BACH2: variants seen among roughly 807,000 people sequenced by gnomAD.
The protein encoded by BACH2 is BACH transcriptional regulator 2.
Under a neutral mutation model 61.8 loss-of-function variants are expected in BACH2, and 5 were observed. The observed-to-expected ratio is 0.08, with a 90% confidence interval of 0.04 to 0.17. The LOEUF (loss-of-function observed/expected upper bound fraction) is 0.17, where lower values mean the gene tolerates loss of function less well. Among genes scored for constraint, BACH2 ranks in the 10% least tolerant of loss-of-function variants. The probability of loss-of-function intolerance (pLI) is 1.00; values close to 1 mark genes in which losing one functional copy is unlikely to be tolerated. For missense variants in BACH2, 824 were observed against 1,091.1 expected (o/e 0.76, Z 3.45); for synonymous variants, 446 against 440.1 (o/e 1.01, Z -0.17).
At chr6:90,294,159 C>T (rs1772264412) in intron 1 of BACH2, among the ~76,000 whole-genome samples, 1 of 152,118 alleles carries the variant, frequency 6.6e-6, no homozygotes, top group African/African-American at 2.4e-5. Context: ...TGTGTGTCTC[C>T]ATGTAATCCT....
chr6:90,168,626 C>T (rs1264474164), intron 4 of BACH2, among the ~76,000 whole-genome samples: 2 of 152,066 alleles, frequency 1.3e-5, no homozygotes, highest in African/African-American at 4.8e-5. Context: ...TGCCTCCAGG[C>T]CCAAACAAAT....
intron 3 of BACH2, among the ~76,000 whole-genome samples, chr6:90,210,725 A>C (rs973915421): frequency 2.0e-5 from 3 of 152,170 alleles, no homozygotes; most frequent in African/African-American, 7.2e-5. Flanking sequence ...AAAACTACAG[A>C]CGTCTTTAAA....
At chr6:90,061,614 T>C (rs1039480282) in intron 5 of BACH2, among the ~76,000 whole-genome samples, 12 of 151,400 alleles carry the variant, frequency 7.9e-5, no homozygotes, top group African/African-American at 2.9e-4. Flanking sequence ...CAAGTGAGAG[T>C]GCAGAGAGAA....
intron 4 of BACH2, among the ~76,000 whole-genome samples, chr6:90,119,754 T>C (rs1287036209): frequency 6.6e-6 from 1 of 152,206 alleles, no homozygotes; most frequent in East Asian, 1.9e-4. Context: ...AGTTCTTAGT[T>C]ACTAGTAAAA....
chr6:89,976,305 A>G (rs1347810915), intron 6 of BACH2, among the ~76,000 whole-genome samples: 5 of 152,242 alleles, frequency 3.3e-5, no homozygotes, highest in East Asian at 3.8e-4. Flanking sequence ...ATGCAGGCAC[A>G]TTAGCCGCAG....
chr6:89,981,384 G>T (rs1775948131), intron 6 of BACH2, among the ~76,000 whole-genome samples: 1 of 151,840 alleles, frequency 6.6e-6, no homozygotes, highest in South Asian at 2.1e-4. Context: ...CTCGTGATTT[G>T]CCCGCCTCGG....
intron 2 of BACH2, among the ~76,000 whole-genome samples, chr6:90,261,070 C>T (rs927843437): frequency 3.3e-5 from 5 of 152,318 alleles, no homozygotes; most frequent in African/African-American, 4.8e-5. Flanking sequence ...CAGTCAACTA[C>T]GCTTCTAGCT....
At position 90,154,726 on chromosome 6, in the gene BACH2, G is replaced by C. The variant is rs113823110; in HGVS notation, c.-162+51843C>G. Among the ~76,000 whole-genome samples, 33 of 152,290 alleles carry C rather than the reference G, an allele frequency of 2.2e-4. No homozygotes were observed. The South Asian group carries it at 6.6e-3, about 31-fold the overall frequency. On this transcript the variant is annotated intron_variant, in intron 4 of 8. Coordinates refer to ENST00000257749, the MANE Select transcript of BACH2 (RefSeq NM_021813.4). ...AAGTATATCTGCCAATGCTCAAAAC[G>C]TGTTCATTCTGATGGCCCTAGTTCT...
At chr6:90,035,203 T>G (rs752720888) in intron 5 of BACH2, among the ~76,000 whole-genome samples, 1 of 151,122 alleles carries the variant, frequency 6.6e-6, no homozygotes, top group African/African-American at 2.5e-5. Flanking sequence ...TAACATATTA[T>G]GACACACCAA....
Position 89,951,071 on chromosome 6 carries a change from G to A in BACH2, c.1035C>T (p.Phe345=). 1 of 1,612,258 alleles carries A rather than the reference G, an allele frequency of 6.2e-7. No individual in the cohort carries two copies. The highest frequency in any genetic ancestry group is 8.5e-7 in the Non-Finnish European group (1 of 1,179,154). Reference sequence around the variant, plus strand: ...ACAGCTCCACACTTTTCGTTATGCTGAACAGAGACCTTAAGCAGGAGGGCG... The same window carrying A: ...ACAGCTCCACACTTTTCGTTATGCTAAACAGAGACCTTAAGCAGGAGGGCG... ...VASPSCLRSL[F]SITKSVELSG... is the part of the protein sequence containing the mutation. The change falls in exon 7 of 9, where the codon TTC becomes TTT. Residue 345 remains phenylalanine (F), a synonymous_variant. Transcript: ENST00000257749. This position sits in a 1 kb window ranked among gnomAD's most constrained non-coding sequence, Gnocchi z 6.4.
chr6:90,257,374 AC>A (rs1240582866), intron 2 of BACH2, among the ~76,000 whole-genome samples: 1 of 152,160 alleles, frequency 6.6e-6, no homozygotes, highest in Non-Finnish European at 1.5e-5. Flanking sequence ...CCACATCCTC[AC>A]CAACATTTGT....
chr6:89,959,479 C>T (rs9362707), intron 6 of BACH2, among the ~76,000 whole-genome samples: 21,493 of 151,844 alleles, frequency 0.14, 1,638 homozygotes, highest in East Asian at 0.18. Flanking sequence ...CAGGGTTTTC[C>T]GAAATGTACT....
chr6:89,963,333 A>G (rs1481865209), intron 6 of BACH2, among the ~76,000 whole-genome samples: 1 of 152,096 alleles, frequency 6.6e-6, no homozygotes, highest in African/African-American at 2.4e-5. Flanking sequence ...TCTCACTCTC[A>G]CCCAGGCTGG....
At chr6:90,190,772 A>G (rs1026405315) in intron 4 of BACH2, among the ~76,000 whole-genome samples, 4 of 152,226 alleles carry the variant, frequency 2.6e-5, no homozygotes, top group Non-Finnish European at 5.9e-5. Context: ...TTCACTTCCC[A>G]GCATTTTAGA....
chr6:90,234,248 A>G (rs1043243419), intron 3 of BACH2, among the ~76,000 whole-genome samples: 7 of 152,248 alleles, frequency 4.6e-5, no homozygotes, highest in African/African-American at 1.7e-4. Flanking sequence ...TCAGCGCTTC[A>G]GTCGGTGGTG....
At chr6:90,243,264 C>G (rs770698872) in intron 3 of BACH2, among the ~76,000 whole-genome samples, 1 of 151,154 alleles carries the variant, frequency 6.6e-6, no homozygotes, top group Non-Finnish European at 1.5e-5. Context: ...CTTTAAAAAT[C>G]CTTTACAGTC....
At chr6:89,980,333 T>C (rs1375879135) in intron 6 of BACH2, among the ~76,000 whole-genome samples, 1 of 152,064 alleles carries the variant, frequency 6.6e-6, no homozygotes, top group Non-Finnish European at 1.5e-5. Flanking sequence ...CGATCCTCAT[T>C]TCACATCATC....
In BACH2 at chr6:90,008,448, T is replaced by C. The variant is rs143197784; in HGVS notation, c.243+154A>G. On this transcript the variant is annotated intron_variant, in intron 6 of 8. Transcript: ENST00000257749. The surrounding 1 kb of genome is among the most constrained non-coding windows in gnomAD (Gnocchi z 4.1). ...CCTCTGAGACTTTAAGTGTATCAAA[T>C]AGAAACTGACTATGCCACAGACCTA... 1.8e-3 allele frequency among the ~76,000 whole-genome samples: 272 copies of C among 152,340 alleles called. 1 individual carries two copies. The highest frequency in any genetic ancestry group is 6.3e-3 in the African/African-American group (264 of 41,580).
At chr6:89,955,447 A>C (rs1210034602) in intron 6 of BACH2, among the ~76,000 whole-genome samples, 1 of 152,188 alleles carries the variant, frequency 6.6e-6, no homozygotes, top group African/African-American at 2.4e-5. Context: ...GGCTGAGGGG[A>C]CTAGCAAGGG....
Sources: allele counts gnomAD v4.1 joint callset (sites outside exome capture counted in the v4.1 genomes callset), GRCh38; gene constraint gnomAD v4.1.1; non-coding constraint Gnocchi (gnomAD v3.1); transcripts MANE v1.5; gene names NCBI Gene and HGNC (gene_info 2026-07-23, HGNC 2026-07-21).